Variants in XIRP2 observed in about 807,000 individuals in gnomAD.
XIRP2 encodes xin actin-binding repeat-containing protein 2.
A neutral mutation model predicts 277.0 loss-of-function variants in XIRP2; 236 were observed. That is an observed-to-expected ratio of 0.85 (90% CI 0.77 to 0.95). The LOEUF (loss-of-function observed/expected upper bound fraction) is 0.95, where lower values mean the gene tolerates loss of function less well. Among genes scored for constraint, XIRP2 ranks in the 40% least tolerant of loss-of-function variants. The pLI, the probability that XIRP2 is intolerant of heterozygous loss-of-function variation, is 0.00. For synonymous variants in XIRP2, 1,490 were observed against 1,416.5 expected (o/e 1.05, Z -1.17); for missense variants, 4,640 against 4,157.5 (o/e 1.12, Z -3.19).
intron 10 of XIRP2, among the ~76,000 whole-genome samples, chr2:167,257,001 A>C (rs1004280067): frequency 3.3e-5 from 5 of 151,930 alleles, no homozygotes; most frequent in African/African-American, 4.8e-5. Context: ...CTTCCTTACC[A>C]CAGGGACCTT....
At chr2:167,140,587 C>T (rs1369302536) in intron 3 of XIRP2, among the ~76,000 whole-genome samples, 1 of 152,134 alleles carries the variant, frequency 6.6e-6, no homozygotes, top group African/African-American at 2.4e-5. Flanking sequence ...GGACCCAGGA[C>T]TCCCAGCACC....
intron 3 of XIRP2, among the ~76,000 whole-genome samples, chr2:167,147,708 C>T (rs1176379329): frequency 6.6e-6 from 1 of 152,164 alleles, no homozygotes; most frequent in Non-Finnish European, 1.5e-5. Flanking sequence ...TTGTTTCTCT[C>T]AGACTCTGCC....
chr2:166,897,005 A>G (rs976857739), intron 1 of XIRP2, among the ~76,000 whole-genome samples: 1 of 152,198 alleles, frequency 6.6e-6, no homozygotes, highest in Non-Finnish European at 1.5e-5. Flanking sequence ...CTAGATGTGT[A>G]GTAAGCTATA....
At chr2:167,164,907 C>T (rs375389764) in intron 3 of XIRP2, among the ~76,000 whole-genome samples, 2 of 152,118 alleles carry the variant, frequency 1.3e-5, no homozygotes, top group African/African-American at 2.4e-5. Flanking sequence ...GAGTGTTGAA[C>T]ATTTTATGTG....
chr2:167,044,864 C>A (rs1271236475), intron 2 of XIRP2, among the ~76,000 whole-genome samples: 1 of 151,804 alleles, frequency 6.6e-6, no homozygotes, highest in East Asian at 1.9e-4. Context: ...TCCTATCAAA[C>A]CACCAATGTC....
chr2:166,948,189 A>G (rs1434240374), intron 2 of XIRP2, among the ~76,000 whole-genome samples: 1 of 152,168 alleles, frequency 6.6e-6, no homozygotes, highest in African/African-American at 2.4e-5. Flanking sequence ...AACAACATCA[A>G]GTGAACCCTA....
chr2:167,176,059 G>A (rs1160162564), intron 3 of XIRP2, among the ~76,000 whole-genome samples: 1 of 151,940 alleles, frequency 6.6e-6, no homozygotes, highest in Admixed American at 6.6e-5. Flanking sequence ...TGGGTTCCAT[G>A]GGGGTGGGAT....
Position 167,246,640 on chromosome 2 carries a change from A to G in XIRP2, c.5248A>G (p.Ile1750Val), listed in dbSNP as rs745574658. The G allele has an allele frequency of 3.1e-6, 5 of 1,613,784 alleles. No individual in the cohort carries two copies. Among genetic ancestry groups the G allele is most frequent in the Admixed American group, 1.7e-5 (1 of 59,988 alleles). ...AAATGTTCAGTTTTTCACAACCTGCATAGAAGCTGGAGCTTTGGATTATCT... is the reference window on the plus strand; with the variant it reads ...AAATGTTCAGTTTTTCACAACCTGCGTAGAAGCTGGAGCTTTGGATTATCT... ...RGNVQFFTTC[I>V]EAGALDYLKQ... The change falls in exon 9 of 11, where the codon ATA becomes GTA. Residue 1750 changes from isoleucine (I) to valine (V), a missense_variant. Coordinates refer to ENST00000409195, the MANE Select transcript of XIRP2 (RefSeq NM_152381.6).
At chr2:167,219,527 C>T (rs1426537272) in intron 5 of XIRP2, among the ~76,000 whole-genome samples, 2 of 152,212 alleles carry the variant, frequency 1.3e-5, no homozygotes, top group Non-Finnish European at 2.9e-5. Context: ...TCTGGGTTTA[C>T]ACACCACCTC....
chr2:167,011,078 A>G (rs1427452417), intron 2 of XIRP2, among the ~76,000 whole-genome samples: 1 of 150,954 alleles, frequency 6.6e-6, no homozygotes, highest in Non-Finnish European at 1.5e-5. Flanking sequence ...TCTCCTGCCT[A>G]ATTGCCCTGG....
At chr2:166,911,584 T>C (rs1392990187) in intron 2 of XIRP2, among the ~76,000 whole-genome samples, 2 of 152,228 alleles carry the variant, frequency 1.3e-5, no homozygotes, top group Non-Finnish European at 2.9e-5. Context: ...CTGTGTCTTT[T>C]AATTGGAGCA....
intron 3 of XIRP2, among the ~76,000 whole-genome samples, chr2:167,176,322 T>C (rs1692847255): frequency 6.6e-6 from 1 of 152,130 alleles, no homozygotes. Flanking sequence ...TCGCCCTCCG[T>C]GGGCTGCACC....
chr2:167,158,512 CCT>C (rs1692269545), intron 3 of XIRP2, among the ~76,000 whole-genome samples: 1 of 152,138 alleles, frequency 6.6e-6, no homozygotes, highest in East Asian at 1.9e-4. Flanking sequence ...GTTGGGATGG[CCT>C]CCCAGGAATG....
intron 3 of XIRP2, among the ~76,000 whole-genome samples, chr2:167,143,486 C>T (rs936504906): frequency 2.6e-5 from 4 of 151,996 alleles, no homozygotes; most frequent in African/African-American, 7.3e-5. Context: ...TGAAGGGATA[C>T]GGAAAGTAAG....
At chr2:167,099,025 A>G (rs932521376) in intron 2 of XIRP2, among the ~76,000 whole-genome samples, 1 of 152,150 alleles carries the variant, frequency 6.6e-6, no homozygotes, top group Admixed American at 6.5e-5. Flanking sequence ...TAGCAGAGCT[A>G]AAGCACTATG....
chr2:167,245,884 A>G lies in XIRP2; in HGVS notation c.4492A>G (p.Thr1498Ala), dbSNP rs1390054596. Residue 1498 changes from threonine to alanine, a missense_variant, in exon 9 of 11, where the codon ACT becomes GCT. By Grantham distance (58) the Thr-to-Ala change is moderately conservative. Coordinates refer to ENST00000409195, the MANE Select transcript of XIRP2 (RefSeq NM_152381.6). The stretch of plus-strand genomic sequence containing the variant: ...GGCTGTGTGGCTTTTTGAAAATCGA[A>G]CTTTCGATTCTATTATGGAAGCACA... ...KQAVWLFENRTFDSIMEAHKG... is the reference protein window; with the variant it reads ...KQAVWLFENRAFDSIMEAHKG... 3.7e-6 allele frequency: 6 copies of G among 1,613,592 alleles called. No homozygotes were observed. In the East Asian group the frequency reaches 8.9e-5, roughly 24 times the overall value.
chr2:166,986,058 C>T (rs1256367667), intron 2 of XIRP2, among the ~76,000 whole-genome samples: 1 of 152,154 alleles, frequency 6.6e-6, no homozygotes, highest in Non-Finnish European at 1.5e-5. Flanking sequence ...AGAGAGAGTA[C>T]CGTGCTTTGC....
chr2:167,174,264 G>A (rs750507250), intron 3 of XIRP2, among the ~76,000 whole-genome samples: 1 of 152,116 alleles, frequency 6.6e-6, no homozygotes, highest in Non-Finnish European at 1.5e-5. Flanking sequence ...TTGGTTGGTA[G>A]GCTATTAATT....
At chr2:167,098,438 G>T (rs1690384244) in intron 2 of XIRP2, among the ~76,000 whole-genome samples, 1 of 152,178 alleles carries the variant, frequency 6.6e-6, no homozygotes, top group Non-Finnish European at 1.5e-5. Context: ...ATTCTAGTCA[G>T]CATTTCCTCT....
Sources: gnomAD v4.1 joint callset for allele counts (sites outside exome capture counted in the v4.1 genomes callset) on GRCh38, gnomAD v4.1.1 for gene constraint, MANE v1.5 for transcripts, NCBI Gene and HGNC (gene_info 2026-07-23, HGNC 2026-07-21) for gene names.